Variants in GNA14 observed in about 807,000 individuals in gnomAD.
GNA14 encodes guanine nucleotide-binding protein subunit alpha-14.
Under a neutral mutation model 42.0 loss-of-function variants are expected in GNA14, and 50 were observed. That is an observed-to-expected ratio of 1.19 (90% CI 0.95 to 1.51). GNA14 has a LOEUF of 1.51. Ranked by LOEUF, GNA14 falls within the 40% of genes most tolerant of loss-of-function variation. GNA14 has a pLI of 0.00. For synonymous variants in GNA14, 173 were observed against 163.1 expected (o/e 1.06, Z -0.46); for missense variants, 473 against 446.2 (o/e 1.06, Z -0.54).
intron 1 of GNA14, among the ~76,000 whole-genome samples, chr9:77,621,407 C>T (rs1823919329): frequency 6.6e-6 from 1 of 152,124 alleles, no homozygotes; most frequent in Non-Finnish European, 1.5e-5. Flanking sequence ...CATTTAAGTG[C>T]TAATTTCAAA....
At chr9:77,439,377 G>A (rs577997239) in intron 2 of GNA14, among the ~76,000 whole-genome samples, 150 of 152,284 alleles carry the variant, frequency 9.9e-4, no homozygotes, top group African/African-American at 3.4e-3. Flanking sequence ...AGTGGCTCAC[G>A]CCTGTTTTCC....
chr9:77,583,648 C>T (rs1391282969), intron 1 of GNA14, among the ~76,000 whole-genome samples: 1 of 152,194 alleles, frequency 6.6e-6, no homozygotes, highest in Non-Finnish European at 1.5e-5. Context: ...CCCATCATCT[C>T]TTCTCCAAGC....
At chr9:77,472,035 A>G (rs1031545250) in intron 2 of GNA14, among the ~76,000 whole-genome samples, 1 of 152,160 alleles carries the variant, frequency 6.6e-6, no homozygotes, top group African/African-American at 2.4e-5. Context: ...TCTTGGAGTT[A>G]TATTTGTCTT....
chr9:77,544,331 A>G (rs1169918271), intron 1 of GNA14, among the ~76,000 whole-genome samples: 1 of 152,216 alleles, frequency 6.6e-6, no homozygotes, highest in East Asian at 1.9e-4. Context: ...AGGAAAAAAA[A>G]TCTCTTCAAA....
intron 1 of GNA14, among the ~76,000 whole-genome samples, chr9:77,641,119 A>G (rs1587858280): frequency 3.7e-5 from 1 of 26,930 alleles, no homozygotes; most frequent in African/African-American, 3.4e-4. Flanking sequence ...GAAGGAAGGA[A>G]GGAAGGAAGG....
At chr9:77,598,158 T>C (rs1823497153) in intron 1 of GNA14, among the ~76,000 whole-genome samples, 1 of 152,202 alleles carries the variant, frequency 6.6e-6, no homozygotes, top group East Asian at 1.9e-4. Context: ...TTGTGCTAAT[T>C]TGGCAGTAAG....
intron 1 of GNA14, among the ~76,000 whole-genome samples, chr9:77,617,656 C>G (rs1823845552): frequency 6.6e-6 from 1 of 152,028 alleles, no homozygotes; most frequent in African/African-American, 2.4e-5. Context: ...TTGGCCTCCC[C>G]TAACACTTAA....
chr9:77,534,161 C>A (rs1465555718), intron 1 of GNA14, among the ~76,000 whole-genome samples: 1 of 152,194 alleles, frequency 6.6e-6, no homozygotes, highest in Non-Finnish European at 1.5e-5. Flanking sequence ...ATAAAAACAT[C>A]CTGTCTATCA....
intron 2 of GNA14, among the ~76,000 whole-genome samples, chr9:77,506,330 T>G (rs1354347353): frequency 6.6e-6 from 1 of 151,608 alleles, no homozygotes; most frequent in East Asian, 1.9e-4. Context: ...AATAAAATAT[T>G]TTAAGTCAAT....
chr9:77,601,067 C>T (rs1404832890), intron 1 of GNA14, among the ~76,000 whole-genome samples: 3 of 152,224 alleles, frequency 2.0e-5, no homozygotes, highest in Non-Finnish European at 4.4e-5. Context: ...GCGCCTTGTG[C>T]AGGGGGAGGA....
chr9:77,541,634 A>G (rs990432770), intron 1 of GNA14, among the ~76,000 whole-genome samples: 2 of 152,140 alleles, frequency 1.3e-5, no homozygotes, highest in Non-Finnish European at 2.9e-5. Flanking sequence ...GTTTTCTAAC[A>G]TTTTCATTCT....
At chr9:77,645,558 G>A (rs185223784) in intron 1 of GNA14, among the ~76,000 whole-genome samples, 9 of 152,254 alleles carry the variant, frequency 5.9e-5, no homozygotes, top group African/African-American at 2.2e-4. Flanking sequence ...AGTTTCCAGA[G>A]GTCAGACAGT....
At chr9:77,623,415 A>G (rs976181775) in intron 1 of GNA14, among the ~76,000 whole-genome samples, 21 of 152,064 alleles carry the variant, frequency 1.4e-4, no homozygotes, top group African/African-American at 4.8e-4. Flanking sequence ...TGTAAGCCCC[A>G]TAAAGGAGAA....
chr9:77,434,346 C>A (rs1280659516), intron 3 of GNA14, 22 bp downstream of exon 3: 2 of 1,590,002 alleles, frequency 1.3e-6, no homozygotes, highest in Non-Finnish European at 1.7e-6. Context: ...CCGCGGGCGG[C>A]CAGGGTGGGC....
At chr9:77,601,360 T>C (rs1202481982) in intron 1 of GNA14, among the ~76,000 whole-genome samples, 1 of 152,172 alleles carries the variant, frequency 6.6e-6, no homozygotes, top group East Asian at 1.9e-4. Flanking sequence ...AAAGAAAGAA[T>C]CTTTTACTCA....
intron 2 of GNA14, among the ~76,000 whole-genome samples, chr9:77,479,140 G>T (rs955000242): frequency 1.3e-5 from 2 of 152,030 alleles, no homozygotes; most frequent in Non-Finnish European, 2.9e-5. Flanking sequence ...TTCTTCTAGG[G>T]TTTTTATGGT....
intron 1 of GNA14, among the ~76,000 whole-genome samples, chr9:77,634,201 C>T (rs150219937): frequency 0.014 from 2,090 of 151,986 alleles, 37 homozygotes; most frequent in African/African-American, 0.047. Context: ...AGGAGGATTG[C>T]TTGAGAGCAG....
At chr9:77,619,941 C>T (rs1476699811) in intron 1 of GNA14, among the ~76,000 whole-genome samples, 1 of 152,100 alleles carries the variant, frequency 6.6e-6, no homozygotes, top group Admixed American at 6.5e-5. Context: ...GGAATTACTG[C>T]ACATGTAAAG....
chr9:77,427,442 G>C (rs1461018543), intron 5 of GNA14, among the ~76,000 whole-genome samples: 1 of 152,136 alleles, frequency 6.6e-6, no homozygotes, highest in Non-Finnish European at 1.5e-5. Context: ...TATAAGCTAT[G>C]CTCCTCAGAG....
Sources: allele counts gnomAD v4.1 joint callset (sites outside exome capture counted in the v4.1 genomes callset), GRCh38; gene constraint gnomAD v4.1.1; transcripts MANE v1.5; gene names NCBI Gene and HGNC (gene_info 2026-07-23, HGNC 2026-07-21).